SNTG1: variants seen among roughly 807,000 people sequenced by gnomAD.
The protein encoded by SNTG1 is gamma-1-syntrophin.
SNTG1 carries 39 observed loss-of-function variants against 74.7 expected under a neutral mutation model. The ratio of observed to expected loss-of-function variants is 0.52; its 90% CI spans 0.40 to 0.68. The LOEUF (loss-of-function observed/expected upper bound fraction) is 0.68. SNTG1 is among the 30% of genes least tolerant of loss of function. The pLI is 0.00. For missense variants in SNTG1, 685 were observed against 609.5 expected (o/e 1.12, Z -1.30); for synonymous variants, 254 against 217.1 (o/e 1.17, Z -1.49).
rs189699886 is a variant in SNTG1, at chr8:50,321,425, T to C, written c.-27-72787T>C. ...TTTATTATCAGTCTATGTGTGTCTTTATATGTGAAGTGTGTTTCTTGTAGG... is the reference window on the plus strand; with the variant it reads ...TTTATTATCAGTCTATGTGTGTCTTCATATGTGAAGTGTGTTTCTTGTAGG... On this transcript the variant is annotated intron_variant, in intron 2 of 18. Coordinates refer to ENST00000642720, the MANE Select transcript of SNTG1 (RefSeq NM_018967.5). Among the ~76,000 whole-genome samples, 6 of 152,290 alleles carry C rather than the reference T, an allele frequency of 3.9e-5. No homozygotes were observed. In the East Asian group the frequency reaches 9.6e-4, roughly 24 times the overall value.
chr8:50,020,070 A>G (rs1554549917), intron 1 of SNTG1, among the ~76,000 whole-genome samples: 1 of 152,144 alleles, frequency 6.6e-6, no homozygotes, highest in Non-Finnish European at 1.5e-5. Flanking sequence ...TTGTGCCACT[A>G]TACTCTATCT....
intron 5 of SNTG1, among the ~76,000 whole-genome samples, chr8:50,447,500 A>G (rs1034250866): frequency 7.9e-5 from 12 of 152,288 alleles, no homozygotes; most frequent in Admixed American, 3.3e-4. Context: ...AGAAACATAG[A>G]TGCATCCTTA....
intron 2 of SNTG1, among the ~76,000 whole-genome samples, chr8:50,244,381 A>C (rs1201053143): frequency 2.6e-5 from 4 of 152,134 alleles, no homozygotes; most frequent in African/African-American, 9.6e-5. Flanking sequence ...TCTTTTTTTC[A>C]CTGTGTCAAC....
intron 9 of SNTG1, among the ~76,000 whole-genome samples, chr8:50,521,862 C>G (rs2094182276): frequency 6.6e-6 from 1 of 152,064 alleles, no homozygotes. Context: ...TTGTAATTCT[C>G]CAGCTATTTC....
intron 1 of SNTG1, among the ~76,000 whole-genome samples, chr8:49,970,815 T>A (rs1461854707): frequency 2.6e-5 from 4 of 152,154 alleles, no homozygotes; most frequent in Admixed American, 2.6e-4. Context: ...TGATGCCAGA[T>A]CTAAGCAAAG....
At chr8:49,999,074 T>G (rs551406339) in intron 1 of SNTG1, among the ~76,000 whole-genome samples, 2 of 152,288 alleles carry the variant, frequency 1.3e-5, no homozygotes, top group Admixed American at 1.3e-4. Flanking sequence ...CTTACAGAAC[T>G]GCTTTCATAT....
intron 1 of SNTG1, among the ~76,000 whole-genome samples, chr8:50,124,086 A>G (rs1158518639): frequency 7.0e-6 from 1 of 142,056 alleles, no homozygotes; most frequent in Admixed American, 7.3e-5. Context: ...GTACTTGGAG[A>G]TGGTGTCTTG....
At position 50,793,780 on chromosome 8, in the gene SNTG1, C is replaced by A. The variant is rs546803852; in HGVS notation, c.*951C>A. The stretch of plus-strand genomic sequence containing the variant: ...TAGTTAATCATGAACTAAAATGTCC[C>A]CCGAAAACAGTCCCAAAGCTATTAT... On this transcript the variant is annotated 3_prime_UTR_variant, in exon 19 of 19. Transcript: ENST00000642720. 1 of 151,734 alleles carries A rather than the reference C, an allele frequency of 6.6e-6. No individual in the cohort carries two copies. Among genetic ancestry groups the A allele is most frequent in the South Asian group, 2.1e-4 (1 of 4,810 alleles). The allele number at this position is 151,734 out of a possible 1,614,324, so 9.4% of individuals were successfully genotyped here.
chr8:50,524,676 A>T (rs2094206124), intron 9 of SNTG1, among the ~76,000 whole-genome samples: 1 of 124,252 alleles, frequency 8.0e-6, no homozygotes, highest in Admixed American at 7.3e-5. Context: ...AGTACAGTAT[A>T]ACAACTACAT....
chr8:50,636,041 G>C (rs560699990), intron 13 of SNTG1, among the ~76,000 whole-genome samples: 4 of 151,888 alleles, frequency 2.6e-5, no homozygotes, highest in Middle Eastern at 6.8e-3. Context: ...CTTTAATGCA[G>C]CAGGTTCTCT....
intron 2 of SNTG1, among the ~76,000 whole-genome samples, chr8:50,266,094 T>C (rs925199126): frequency 6.6e-6 from 1 of 151,796 alleles, no homozygotes; most frequent in African/African-American, 2.4e-5. Flanking sequence ...AATGCTAATA[T>C]TCATGTGGAA....
At chr8:50,417,491 C>T (rs1477498722) in intron 4 of SNTG1, among the ~76,000 whole-genome samples, 7 of 152,078 alleles carry the variant, frequency 4.6e-5, no homozygotes, top group Non-Finnish European at 8.8e-5. Flanking sequence ...GCTTGCTTCT[C>T]TTTTTTCTTC....
chr8:50,163,270 T>G (rs1433004374), intron 1 of SNTG1, among the ~76,000 whole-genome samples: 1 of 152,200 alleles, frequency 6.6e-6, no homozygotes, highest in Non-Finnish European at 1.5e-5. Context: ...TTCTCTAGTT[T>G]TAAATTTTGA....
At chr8:50,644,554 T>C (rs2095094924) in intron 13 of SNTG1, 1 of 152,218 alleles carries the variant, frequency 6.6e-6, no homozygotes, top group Non-Finnish European at 1.5e-5. Flanking sequence ...TAATAAAATG[T>C]GTGTGAATCT....
intron 12 of SNTG1, among the ~76,000 whole-genome samples, chr8:50,561,918 C>T (rs1404572822): frequency 1.3e-5 from 2 of 152,132 alleles, no homozygotes; most frequent in Non-Finnish European, 1.5e-5. Context: ...TCTTCTATAA[C>T]CTTTCAGCTT....
chr8:50,010,176 G>A (rs1398010920), intron 1 of SNTG1, among the ~76,000 whole-genome samples: 2 of 152,070 alleles, frequency 1.3e-5, no homozygotes, highest in Non-Finnish European at 2.9e-5. Flanking sequence ...TCTAATACTA[G>A]TTTGGGATTG....
chr8:50,739,338 A>C (rs1433053231), intron 17 of SNTG1, among the ~76,000 whole-genome samples: 1 of 152,178 alleles, frequency 6.6e-6, no homozygotes, highest in African/African-American at 2.4e-5. Flanking sequence ...GTCTTTAGAA[A>C]AATGCAGATC....
chr8:50,663,833 C>T (rs924664169), intron 15 of SNTG1, among the ~76,000 whole-genome samples: 2 of 152,142 alleles, frequency 1.3e-5, no homozygotes, highest in Admixed American at 6.5e-5. Flanking sequence ...TACATGCAAA[C>T]TCTCTCAGCA....
intron 2 of SNTG1, among the ~76,000 whole-genome samples, chr8:50,208,671 A>T (rs941000041): frequency 6.6e-5 from 10 of 152,048 alleles, no homozygotes; most frequent in African/African-American, 2.4e-4. Context: ...GGTCTTTACA[A>T]TTTGTCATGT....
Sources: gnomAD v4.1 joint callset for allele counts (sites outside exome capture counted in the v4.1 genomes callset) on GRCh38, gnomAD v4.1.1 for gene constraint, MANE v1.5 for transcripts, NCBI Gene and HGNC (gene_info 2026-07-23, HGNC 2026-07-21) for gene names.